TPST2: variants seen among roughly 807,000 people sequenced by gnomAD.
TPST2 encodes the protein tyrosylprotein sulfotransferase 2, also known as protein-tyrosine sulfotransferase 2.
In TPST2, 16 loss-of-function variants were observed where a neutral mutation model predicts 27.8. The ratio of observed to expected loss-of-function variants is 0.58; its 90% CI spans 0.39 to 0.88. The LOEUF (loss-of-function observed/expected upper bound fraction) is 0.88. Ranked by LOEUF, TPST2 falls within the 40% of genes least tolerant of loss-of-function variation. TPST2 has a pLI of 0.00. For missense variants in TPST2, 464 were observed against 543.1 expected, an observed-to-expected ratio of 0.85 and a Z score of 1.45; for synonymous variants, 229 against 231.7, an observed-to-expected ratio of 0.99 and a Z score of 0.10.
At chr22:26,579,009 C>T (rs1407496601) in intron 1 of TPST2, among the ~76,000 whole-genome samples, 1 of 152,044 alleles carries the variant, frequency 6.6e-6, no homozygotes, top group Non-Finnish European at 1.5e-5. Flanking sequence ...CACCACCATG[C>T]CCGGCTGATT....
At chr22:26,550,383 A>G (rs1926402121) in intron 1 of TPST2, among the ~76,000 whole-genome samples, 1 of 152,224 alleles carries the variant, frequency 6.6e-6, no homozygotes, top group South Asian at 2.1e-4. Context: ...GGCATTCCCC[A>G]GGGGTTAAAG....
intron 1 of TPST2, among the ~76,000 whole-genome samples, chr22:26,579,478 A>T (rs575896092): frequency 6.6e-6 from 1 of 152,266 alleles, no homozygotes; most frequent in East Asian, 1.9e-4. Context: ...TTGAGAGGAA[A>T]CCATGGCCTT....
intron 1 of TPST2, among the ~76,000 whole-genome samples, chr22:26,561,527 G>C (rs1185199730): frequency 1.3e-5 from 2 of 152,126 alleles, no homozygotes; most frequent in African/African-American, 4.8e-5. Context: ...TCTGTTAACT[G>C]AATACCACTC....
intron 3 of TPST2, among the ~76,000 whole-genome samples, chr22:26,538,779 C>T (rs929170226): frequency 2.2e-4 from 34 of 152,330 alleles, no homozygotes; most frequent in African/African-American, 7.7e-4. Flanking sequence ...GCCGAGATCA[C>T]ACCACTACAC....
At chr22:26,580,752 T>C (rs1257131936) in intron 1 of TPST2, among the ~76,000 whole-genome samples, 1 of 152,066 alleles carries the variant, frequency 6.6e-6, no homozygotes, top group African/African-American at 2.4e-5. Flanking sequence ...AAGGAGCCGG[T>C]TGTGTCCGAT....
At chr22:26,545,257 A>G (rs1007876) in intron 1 of TPST2, among the ~76,000 whole-genome samples, 39,591 of 152,174 alleles carry the variant, frequency 0.26, 5,342 homozygotes, top group African/African-American at 0.27. Flanking sequence ...AAGTGTGATG[A>G]TCCCAATTTT....
chr22:26,550,024 A>T (rs1274761365), intron 1 of TPST2, among the ~76,000 whole-genome samples: 1 of 145,960 alleles, frequency 6.9e-6, no homozygotes, highest in Non-Finnish European at 1.5e-5. Flanking sequence ...TGGGTGATGG[A>T]GCAAGACTCC....
Position 26,552,912 on chromosome 22 carries a change from T to C in TPST2, c.-160-8237A>G, listed in dbSNP as rs549168949. On this transcript the variant is annotated intron_variant, in intron 1 of 6. Transcript: ENST00000338754. ...CCATCTCTACTAAAAATACAAAAATTAGCCGCGCATGGTGGCGGGCGCCTG... is the reference window on the plus strand; with the variant it reads ...CCATCTCTACTAAAAATACAAAAATCAGCCGCGCATGGTGGCGGGCGCCTG... Among the ~76,000 whole-genome samples, 8 of 151,874 alleles carry C rather than the reference T, an allele frequency of 5.3e-5. No individual in the cohort carries two copies. In the East Asian group the frequency reaches 7.8e-4, roughly 15 times the overall value.
At chr22:26,555,285 C>A (rs757533254) in intron 1 of TPST2, 1 of 523,926 alleles carries the variant, frequency 1.9e-6, no homozygotes, top group East Asian at 5.4e-5. Flanking sequence ...CCAAAGACCG[C>A]AATTACTTTT....
At chr22:26,552,537 T>C (rs563153225) in intron 1 of TPST2, among the ~76,000 whole-genome samples, 1 of 152,228 alleles carries the variant, frequency 6.6e-6, no homozygotes, top group Admixed American at 6.5e-5. Context: ...CCCTGCTTTA[T>C]CATCTCTCTT....
intron 1 of TPST2, among the ~76,000 whole-genome samples, chr22:26,548,787 C>A (rs1174006323): frequency 7.0e-6 from 1 of 142,096 alleles, no homozygotes; most frequent in African/African-American, 2.6e-5. Context: ...CAAAGTGAGA[C>A]CCCATCACTA....
At chr22:26,587,081 G>A (rs1192638038) in intron 1 of TPST2, among the ~76,000 whole-genome samples, 4 of 152,186 alleles carry the variant, frequency 2.6e-5, no homozygotes, top group Non-Finnish European at 4.4e-5. Flanking sequence ...TCAGAGTAGC[G>A]TGGGGGGTTC....
chr22:26,525,953 G>A lies in TPST2; in HGVS notation c.*322C>T, dbSNP rs1924807560. On this transcript the variant is annotated 3_prime_UTR_variant, in exon 7 of 7. Transcript: ENST00000338754. Reference sequence around the variant, plus strand: ...TTGTCCCAGCAAACAAAGCCACCAAGGCAGTCCTGCAAATTAAGGAGGATG... The same window carrying A: ...TTGTCCCAGCAAACAAAGCCACCAAAGCAGTCCTGCAAATTAAGGAGGATG... The A allele has an allele frequency of 6.6e-6, 1 of 152,140 alleles. No individual in the cohort carries two copies. The highest frequency in any genetic ancestry group is 1.9e-4 in the East Asian group (1 of 5,196). 9.4% of individuals were successfully genotyped at this position (152,140 alleles called of 1,614,324 possible).
chr22:26,554,528 CCTGG>C (rs1311019846), intron 1 of TPST2, among the ~76,000 whole-genome samples: 1 of 152,216 alleles, frequency 6.6e-6, no homozygotes, highest in Non-Finnish European at 1.5e-5. Flanking sequence ...ATCCTCCACA[CCTGG>C]CTGATTCCTA....
chr22:26,536,537 TGAGC>T, intron 3 of TPST2, 51 bp from the exon 4 acceptor site: 2 of 1,417,536 alleles, frequency 1.4e-6, no homozygotes, highest in Non-Finnish European at 1.9e-6. Flanking sequence ...AGATGGCGCC[TGAGC>T]GGATTCCCTG....
intron 4 of TPST2, among the ~76,000 whole-genome samples, chr22:26,535,338 G>A (rs1308197761): frequency 6.6e-6 from 1 of 152,158 alleles, no homozygotes; most frequent in African/African-American, 2.4e-5. Context: ...CCTCAGGCCT[G>A]GGTCCCATTT....
At chr22:26,560,816 G>A in intron 1 of TPST2, 1 of 1,455,380 alleles carries the variant, frequency 6.9e-7, no homozygotes, top group Non-Finnish European at 9.7e-7. Context: ...CACCCAAGAG[G>A]ACTCCTTCGG....
intron 1 of TPST2, chr22:26,547,757 G>A (rs1926204642): frequency 6.6e-6 from 1 of 152,244 alleles, no homozygotes; most frequent in Admixed American, 6.5e-5. Flanking sequence ...CAAGGCTGCA[G>A]TGAACTATGA....
intron 1 of TPST2, among the ~76,000 whole-genome samples, chr22:26,562,896 CA>C (rs1431317062): frequency 6.6e-6 from 1 of 151,836 alleles, no homozygotes; most frequent in Non-Finnish European, 1.5e-5. Flanking sequence ...GTGCTGGGAC[CA>C]GGGGCGATTT....
Sources: gnomAD v4.1 joint callset for allele counts (sites outside exome capture counted in the v4.1 genomes callset) on GRCh38, gnomAD v4.1.1 for gene constraint, MANE v1.5 for transcripts, NCBI Gene and HGNC (gene_info 2026-07-23, HGNC 2026-07-21) for gene names.